Variants in LSAMP observed in about 807,000 individuals in gnomAD.
The protein encoded by LSAMP is limbic system associated membrane protein, also known as limbic system-associated membrane protein.
LSAMP carries 7 observed loss-of-function variants against 38.6 expected under a neutral mutation model. That is an observed-to-expected ratio of 0.18 (90% confidence interval 0.10 to 0.34). The LOEUF is 0.34. Ranked by LOEUF, LSAMP falls within the 10% of genes least tolerant of loss-of-function variation. LSAMP has a pLI of 1.00. For missense variants in LSAMP, 313 were observed against 420.0 expected, an observed-to-expected ratio of 0.75 and a Z score of 2.23; for synonymous variants, 154 against 166.8, an observed-to-expected ratio of 0.92 and a Z score of 0.59.
At chr3:116,380,172 G>A (rs988871668) in intron 1 of LSAMP, among the ~76,000 whole-genome samples, 5 of 151,794 alleles carry the variant, frequency 3.3e-5, no homozygotes, top group Non-Finnish European at 5.9e-5. Flanking sequence ...TCAATAGCAT[G>A]TACCTCTTGG....
rs180781298 is a variant in LSAMP, at chr3:115,879,988, G to A, written c.515-27371C>T. ...TATCATTGAAAAAAATTCTAATTAG[G>A]TATAAGAATTAAGAACCAGCAAAGA... On this transcript the variant is annotated intron_variant, in intron 3 of 6. Coordinates refer to ENST00000490035, the MANE Select transcript of LSAMP (RefSeq NM_002338.5). Among the ~76,000 whole-genome samples the A allele has an allele frequency of 2.0e-5, 3 of 152,122 alleles. No homozygotes were observed. In the East Asian group the frequency reaches 5.8e-4, roughly 29 times the overall value.
chr3:116,043,079 T>C (rs549061690), intron 2 of LSAMP, among the ~76,000 whole-genome samples: 15 of 152,202 alleles, frequency 9.9e-5, no homozygotes, highest in Non-Finnish European at 2.1e-4. Flanking sequence ...ATCCCTGGCC[T>C]CTATCTATTG....
chr3:116,040,598 G>A (rs565049105), intron 2 of LSAMP, among the ~76,000 whole-genome samples: 1 of 152,296 alleles, frequency 6.6e-6, no homozygotes, highest in African/African-American at 2.4e-5. Flanking sequence ...CAAAAGAAGT[G>A]AACATAATCT....
At chr3:116,222,447 C>T (rs1404746877) in intron 1 of LSAMP, among the ~76,000 whole-genome samples, 3 of 151,854 alleles carry the variant, frequency 2.0e-5, no homozygotes, top group Non-Finnish European at 4.4e-5. Flanking sequence ...TTATATCTAC[C>T]GATTTAAATG....
At chr3:116,238,256 A>G (rs574102545) in intron 1 of LSAMP, among the ~76,000 whole-genome samples, 1 of 152,334 alleles carries the variant, frequency 6.6e-6, no homozygotes, top group South Asian at 2.1e-4. Flanking sequence ...GCTCCCTCAA[A>G]GGTTCACACA....
chr3:116,430,326 A>T (rs1576219403), intron 1 of LSAMP, among the ~76,000 whole-genome samples: 1 of 152,332 alleles, frequency 6.6e-6, no homozygotes, highest in Middle Eastern at 3.4e-3. Flanking sequence ...GCAAAGTAAT[A>T]ATAGAATTCC....
chr3:115,846,751 T>A (rs1468205353), intron 4 of LSAMP, among the ~76,000 whole-genome samples: 1 of 152,148 alleles, frequency 6.6e-6, no homozygotes, highest in Non-Finnish European at 1.5e-5. Flanking sequence ...AATGAATTGC[T>A]AATAGGAAAA....
chr3:115,832,985 C>T (rs115328036), intron 6 of LSAMP, among the ~76,000 whole-genome samples: 174 of 152,168 alleles, frequency 1.1e-3, no homozygotes, highest in African/African-American at 4.0e-3. Context: ...TCATAATGCA[C>T]GATTAGATAA....
At chr3:116,343,058 T>C (rs1175153803) in intron 1 of LSAMP, among the ~76,000 whole-genome samples, 1 of 152,082 alleles carries the variant, frequency 6.6e-6, no homozygotes, top group Admixed American at 6.6e-5. Flanking sequence ...TGAAGTATAA[T>C]GGGTTAGCAC....
intron 3 of LSAMP, among the ~76,000 whole-genome samples, chr3:116,013,522 G>A (rs1056964314): frequency 5.3e-5 from 8 of 152,092 alleles, no homozygotes; most frequent in Admixed American, 1.3e-4. Flanking sequence ...CTGATATACT[G>A]AGACTATACT....
At chr3:116,363,762 A>T (rs9713238) in intron 1 of LSAMP, among the ~76,000 whole-genome samples, 2 of 149,466 alleles carry the variant, frequency 1.3e-5, no homozygotes, top group African/African-American at 5.0e-5. Flanking sequence ...GACAAAAACC[A>T]CATGATTATC....
At chr3:115,972,347 C>T (rs980227856) in intron 3 of LSAMP, among the ~76,000 whole-genome samples, 3 of 151,974 alleles carry the variant, frequency 2.0e-5, no homozygotes, top group African/African-American at 7.2e-5. Flanking sequence ...ATTAATAGAA[C>T]TGTACACTAA....
At chr3:116,105,612 G>T (rs2107459009) in intron 1 of LSAMP, among the ~76,000 whole-genome samples, 1 of 152,272 alleles carries the variant, frequency 6.6e-6, no homozygotes, top group South Asian at 2.1e-4. Flanking sequence ...AAATTCACAG[G>T]GTTAATCACT....
At chr3:116,357,048 C>T (rs1195812274) in intron 1 of LSAMP, among the ~76,000 whole-genome samples, 2 of 152,190 alleles carry the variant, frequency 1.3e-5, no homozygotes, top group Non-Finnish European at 1.5e-5. Context: ...CCGCCTCGGC[C>T]TCCCAAAGTG....
intron 1 of LSAMP, among the ~76,000 whole-genome samples, chr3:116,272,498 T>A (rs978442890): frequency 6.6e-6 from 1 of 152,156 alleles, no homozygotes; most frequent in Admixed American, 6.6e-5. Flanking sequence ...ATTGGTCATA[T>A]CATGCCCACT....
At chr3:116,044,230 T>C (rs1458728993) in intron 2 of LSAMP, among the ~76,000 whole-genome samples, 2 of 152,200 alleles carry the variant, frequency 1.3e-5, no homozygotes, top group East Asian at 3.9e-4. Flanking sequence ...AATAATAATA[T>C]GTAAATTGAT....
At chr3:115,932,053 T>C (rs189611630) in intron 3 of LSAMP, among the ~76,000 whole-genome samples, 171 of 152,286 alleles carry the variant, frequency 1.1e-3, no homozygotes, top group African/African-American at 3.9e-3. Flanking sequence ...ATGTAAATTA[T>C]ATATTAAAAA....
chr3:116,383,952 A>T (rs545391647), intron 1 of LSAMP, among the ~76,000 whole-genome samples: 2 of 152,252 alleles, frequency 1.3e-5, no homozygotes, highest in South Asian at 2.1e-4. Context: ...GGTGTCTAAC[A>T]GCTGCAATCT....
chr3:116,147,969 A>AT (rs1187753192), intron 1 of LSAMP, among the ~76,000 whole-genome samples: 2 of 151,888 alleles, frequency 1.3e-5, no homozygotes, highest in South Asian at 2.1e-4. Context: ...AATATATACA[A>AT]TTTTTTTGTC....
Sources: allele counts gnomAD v4.1 joint callset (sites outside exome capture counted in the v4.1 genomes callset), GRCh38; gene constraint gnomAD v4.1.1; transcripts MANE v1.5; gene names NCBI Gene and HGNC (gene_info 2026-07-23, HGNC 2026-07-21).